Variants in SAMD4A observed in about 807,000 individuals in gnomAD.
The protein encoded by SAMD4A is protein Smaug homolog 1.
Under a neutral mutation model 81.3 loss-of-function variants are expected in SAMD4A, and 33 were observed. That is an observed-to-expected ratio of 0.41 (90% CI 0.31 to 0.54). SAMD4A has a LOEUF of 0.54. Ranked by LOEUF, SAMD4A falls within the 20% of genes least tolerant of loss-of-function variation. The pLI, the probability that SAMD4A is intolerant of heterozygous loss-of-function variation, is 0.37. For synonymous variants in SAMD4A, 389 were observed against 382.1 expected (o/e 1.02, Z -0.21); for missense variants, 854 against 951.1 (o/e 0.90, Z 1.34).
chr14:54,728,683 A>C (rs564087954), intron 3 of SAMD4A, among the ~76,000 whole-genome samples: 2 of 152,298 alleles, frequency 1.3e-5, no homozygotes, highest in Admixed American at 1.3e-4. Context: ...TCCTCCTTTT[A>C]TCAAGGAGCT....
At position 54,724,048 on chromosome 14, in the gene SAMD4A, G is replaced by GGAAGGAAT. The variant is rs1193163741; in HGVS notation, c.716-12973_716-12972insGGAATGAA. ...AGGAAGGAAGGAAGGAAGGAAGGAA[G>GGAAGGAAT]GAATAATGCAGGACGCATCTATTCA... On this transcript the variant is annotated intron_variant, in intron 3 of 12. Coordinates refer to ENST00000554335, the MANE Select transcript of SAMD4A (RefSeq NM_015589.6). Among the ~76,000 whole-genome samples, 732 of 151,038 alleles carry GGAAGGAAT rather than the reference G, an allele frequency of 4.8e-3. 15 individuals carry two copies. The highest frequency in any genetic ancestry group is 0.044 in the East Asian group (223 of 5,096).
intron 2 of SAMD4A, among the ~76,000 whole-genome samples, chr14:54,635,485 C>G (rs186717360): frequency 6.6e-6 from 1 of 151,826 alleles, no homozygotes; most frequent in Non-Finnish European, 1.5e-5. Context: ...TGCAATCGCT[C>G]ACGTCCGTAA....
intron 2 of SAMD4A, among the ~76,000 whole-genome samples, chr14:54,643,119 A>G (rs2035210567): frequency 6.6e-6 from 1 of 152,262 alleles, no homozygotes; most frequent in African/African-American, 2.4e-5. Context: ...AGTCTTTAAG[A>G]CAACAGGCAA....
chr14:54,722,784 A>G (rs1361529878), intron 3 of SAMD4A, among the ~76,000 whole-genome samples: 1 of 152,214 alleles, frequency 6.6e-6, no homozygotes, highest in African/African-American at 2.4e-5. Context: ...GAGGGAGACA[A>G]ATTGCAGTGT....
chr14:54,602,323 T>TACACACACACACACACAC (rs3049830), intron 2 of SAMD4A, among the ~76,000 whole-genome samples: 2 of 136,558 alleles, frequency 1.5e-5, no homozygotes, highest in African/African-American at 5.4e-5. Context: ...TGCTTTAAAA[T>TACACACACACACACACAC]ACACACACAC....
intron 6 of SAMD4A, 36 bp from the exon 7 acceptor site, chr14:54,760,125 G>C: frequency 6.3e-7 from 1 of 1,596,542 alleles, no homozygotes; most frequent in Non-Finnish European, 8.5e-7. Context: ...CCTTATTCCT[G>C]AGCCTAACAG....
intron 3 of SAMD4A, among the ~76,000 whole-genome samples, chr14:54,718,860 T>C (rs996944553): frequency 6.6e-6 from 1 of 151,936 alleles, no homozygotes; most frequent in Non-Finnish European, 1.5e-5. Flanking sequence ...AAAAATCAGC[T>C]GGGCGTGTGG....
At chr14:54,770,429 A>C (rs762642571) in intron 9 of SAMD4A, among the ~76,000 whole-genome samples, 3 of 152,222 alleles carry the variant, frequency 2.0e-5, no homozygotes, top group African/African-American at 7.2e-5. Flanking sequence ...GCTGAATGTG[A>C]GCTTTTGTAA....
At chr14:54,733,711 T>G (rs115502106) in intron 3 of SAMD4A, among the ~76,000 whole-genome samples, 1 of 152,054 alleles carries the variant, frequency 6.6e-6, no homozygotes, top group African/African-American at 2.4e-5. Context: ...CTGCTGCACA[T>G]CAGTCTACAA....
chr14:54,701,732 A>G (rs1033989103), intron 2 of SAMD4A, among the ~76,000 whole-genome samples: 4 of 152,272 alleles, frequency 2.6e-5, no homozygotes, highest in Non-Finnish European at 4.4e-5. Flanking sequence ...CCCCCTGTCT[A>G]TCAGGGGGTA....
At chr14:54,754,283 A>T (rs2038183351) in intron 6 of SAMD4A, among the ~76,000 whole-genome samples, 2 of 152,194 alleles carry the variant, frequency 1.3e-5, no homozygotes, top group Admixed American at 1.3e-4. Context: ...TCCCCTGTTC[A>T]CTGGAATGGG....
At chr14:54,769,018 A>G (rs574930431) in intron 8 of SAMD4A, among the ~76,000 whole-genome samples, 1 of 152,334 alleles carries the variant, frequency 6.6e-6, no homozygotes, top group East Asian at 1.9e-4. Context: ...TTCATGCCCT[A>G]TTGACAAAAC....
chr14:54,705,217 G>A (rs1294272169), intron 3 of SAMD4A, among the ~76,000 whole-genome samples: 3 of 152,182 alleles, frequency 2.0e-5, no homozygotes, highest in Non-Finnish European at 4.4e-5. Context: ...GGGAAAGACG[G>A]TGAGGAGCTA....
rs1307345074 is a variant in SAMD4A, at chr14:54,788,200, G to A, written c.2129-716G>A. ...ATCTGGATTTGTTTGGGTCAGATGT[G>A]TCCATCCCTCTGGTCTGCTCAGCTG... On this transcript the variant is annotated intron_variant, in intron 12 of 12. Transcript: ENST00000554335. Among the ~76,000 whole-genome samples, 3 of 152,306 alleles carry A rather than the reference G, an allele frequency of 2.0e-5. No individual in the cohort carries two copies. The East Asian group carries it at 5.8e-4, about 29-fold the overall frequency.
At chr14:54,778,490 G>GTGAC (rs1332459361) in intron 11 of SAMD4A, among the ~76,000 whole-genome samples, 1 of 152,154 alleles carries the variant, frequency 6.6e-6, no homozygotes, top group South Asian at 2.1e-4. Flanking sequence ...TGAGCAAAAA[G>GTGAC]TGACTGTCTC....
Position 54,718,554 on chromosome 14 carries a change from T to TG in SAMD4A, c.715+15974_715+15975insG, listed in dbSNP as rs1555346818. Among the ~76,000 whole-genome samples, 306 of 134,838 alleles carry TG rather than the reference T, an allele frequency of 2.3e-3. 1 individual carries two copies. The highest frequency in any genetic ancestry group is 9.0e-3 in the African/African-American group (283 of 31,472). The allele number at this position is 134,838 out of a possible 152,430, so 88.5% of individuals were successfully genotyped here. A position where few individuals can be genotyped will look rare whatever the true frequency, so the allele number is the denominator to read the frequency against. The stretch of plus-strand genomic sequence containing the variant: ...CCTGCAGGCTAGTTTTTTTGGGTTT[T>TG]TTGTTGTTGTTGTTGTTGTTGTTTT... On this transcript the variant is annotated intron_variant, in intron 3 of 12. Coordinates refer to ENST00000554335, the MANE Select transcript of SAMD4A (RefSeq NM_015589.6).
At chr14:54,680,502 GTTTGT>G (rs1332014337) in intron 2 of SAMD4A, among the ~76,000 whole-genome samples, 5 of 152,150 alleles carry the variant, frequency 3.3e-5, no homozygotes, top group Non-Finnish European at 7.3e-5. Context: ...TTTTTGATAG[GTTTGT>G]TTTAAGAGAA....
chr14:54,577,986 G>A (rs1566529473), intron 2 of SAMD4A, among the ~76,000 whole-genome samples: 1 of 152,172 alleles, frequency 6.6e-6, no homozygotes, highest in Non-Finnish European at 1.5e-5. Context: ...CAGTGGCCTG[G>A]GCTTCATCAG....
intron 7 of SAMD4A, among the ~76,000 whole-genome samples, chr14:54,760,916 G>A (rs2038380657): frequency 6.6e-6 from 1 of 152,158 alleles, no homozygotes; most frequent in Admixed American, 6.5e-5. Context: ...GGGCACAGAC[G>A]CCTTTAGCCA....
Sources: gnomAD v4.1 joint callset for allele counts (sites outside exome capture counted in the v4.1 genomes callset) on GRCh38, gnomAD v4.1.1 for gene constraint, MANE v1.5 for transcripts, NCBI Gene and HGNC (gene_info 2026-07-23, HGNC 2026-07-21) for gene names.